Variants in PIK3C2A observed in about 807,000 individuals in gnomAD.
The protein encoded by PIK3C2A is phosphatidylinositol 4-phosphate 3-kinase C2 domain-containing subunit alpha.
A neutral mutation model predicts 204.5 loss-of-function variants in PIK3C2A; 97 were observed. The observed-to-expected ratio is 0.47, with a 90% CI of 0.40 to 0.56. The LOEUF (loss-of-function observed/expected upper bound fraction) is 0.56. Among genes scored for constraint, PIK3C2A ranks in the 20% least tolerant of loss-of-function variants. The pLI, the probability that PIK3C2A is intolerant of heterozygous loss-of-function variation, is 0.00. For missense variants in PIK3C2A, 1,735 were observed against 1,969.2 expected (o/e 0.88, Z 2.25); for synonymous variants, 653 against 664.4 (o/e 0.98, Z 0.26).
At chr11:17,156,024 A>T (rs548620588) in intron 2 of PIK3C2A, among the ~76,000 whole-genome samples, 1 of 152,338 alleles carries the variant, frequency 6.6e-6, no homozygotes, top group Non-Finnish European at 1.5e-5. Flanking sequence ...GAAATTCTAT[A>T]TATTCAACTA....
intron 1 of PIK3C2A, among the ~76,000 whole-genome samples, chr11:17,190,223 A>G (rs1851894916): frequency 6.6e-6 from 1 of 151,940 alleles, no homozygotes; most frequent in Non-Finnish European, 1.5e-5. Flanking sequence ...AGATCATGCC[A>G]CTGTACTCCA....
At chr11:17,111,054 C>G (rs1286141576) in intron 21 of PIK3C2A, among the ~76,000 whole-genome samples, 1 of 151,930 alleles carries the variant, frequency 6.6e-6, no homozygotes, top group East Asian at 1.9e-4. Flanking sequence ...ATTATAGGTG[C>G]CTGCCACCAC....
intron 2 of PIK3C2A, among the ~76,000 whole-genome samples, chr11:17,164,408 G>C (rs1850881960): frequency 6.6e-6 from 1 of 151,624 alleles, no homozygotes; most frequent in African/African-American, 2.4e-5. Context: ...GCCCCTCTTA[G>C]GATATACTCA....
At chr11:17,091,109 T>C (rs890228809) in intron 32 of PIK3C2A, among the ~76,000 whole-genome samples, 2 of 151,816 alleles carry the variant, frequency 1.3e-5, no homozygotes, top group Non-Finnish European at 2.9e-5. Context: ...CAACACACAC[T>C]GGGGCCTGTT....
intron 13 of PIK3C2A, among the ~76,000 whole-genome samples, chr11:17,128,103 T>C (rs889428591): frequency 5.3e-5 from 8 of 152,340 alleles, no homozygotes; most frequent in Admixed American, 4.6e-4. Context: ...AGGATACCTA[T>C]GTAGCACTCA....
chr11:17,140,631 T>A (rs1217661626), intron 8 of PIK3C2A, among the ~76,000 whole-genome samples: 1 of 152,154 alleles, frequency 6.6e-6, no homozygotes, highest in Non-Finnish European at 1.5e-5. Context: ...ACCAGATTAG[T>A]AGTTGTCTGG....
At chr11:17,159,834 G>A (rs553616409) in intron 2 of PIK3C2A, among the ~76,000 whole-genome samples, 152 of 152,304 alleles carry the variant, frequency 1.0e-3, no homozygotes, top group African/African-American at 3.5e-3. Flanking sequence ...GTTGCAGAAC[G>A]CAGGAAGGGC....
chr11:17,193,120 G>A lies in PIK3C2A; in HGVS notation c.-66+14728C>T, dbSNP rs376936900. ...CACTCTGTTAGGACACAGCAAGAAC[G>A]CCCTCACCAGATGCCAAGCGGATGT... On this transcript the variant is annotated intron_variant, in intron 1 of 32. Transcript: ENST00000691414. Among the ~76,000 whole-genome samples, 9 of 152,280 alleles carry A rather than the reference G, an allele frequency of 5.9e-5. No individual in the cohort carries two copies. In the East Asian group the frequency reaches 9.7e-4, roughly 16 times the overall value.
rs34206141 is a variant in PIK3C2A at position 17,087,818 on chromosome 11, C to CTT, written c.*1919_*1920insAA. On this transcript the variant is annotated 3_prime_UTR_variant, in exon 33 of 33. Coordinates refer to ENST00000691414, the MANE Select transcript of PIK3C2A (RefSeq NM_002645.4). ...GTGCTTTGATCTGCATTTTAATTAA[C>CTT]ATTAAATAGACAACACATTTTAACA... is the stretch of plus-strand genomic sequence containing the variant. The CTT allele has an allele frequency of 0.58, 87,815 of 151,828 alleles. 25,703 individuals are homozygous for CTT. Among genetic ancestry groups the CTT allele is most frequent in the East Asian group, 0.82 (4,248 of 5,174 alleles). 9.4% of individuals were successfully genotyped at this position (151,828 alleles called of 1,614,324 possible).
chr11:17,114,771 C>A (rs1849125593), intron 19 of PIK3C2A, among the ~76,000 whole-genome samples: 1 of 152,166 alleles, frequency 6.6e-6, no homozygotes, highest in Admixed American at 6.5e-5. Context: ...TTTAAAACAA[C>A]ATCCTGTGTT....
intron 28 of PIK3C2A, 146 bp downstream of exon 28, chr11:17,094,115 T>A (rs994761059): frequency 1.9e-6 from 1 of 530,970 alleles, no homozygotes; most frequent in Non-Finnish European, 3.3e-6. Flanking sequence ...ATGTCTGCTT[T>A]TGTATTAGGT....
chr11:17,091,275 A>C, intron 32 of PIK3C2A, 59 bp downstream of exon 32: 1 of 1,508,862 alleles, frequency 6.6e-7, no homozygotes, highest in Non-Finnish European at 9.1e-7. Context: ...TCAGAACTTA[A>C]AAATGAAAAT....
At chr11:17,123,885 C>T (rs1169428769) in intron 13 of PIK3C2A, among the ~76,000 whole-genome samples, 4 of 152,080 alleles carry the variant, frequency 2.6e-5, no homozygotes, top group Non-Finnish European at 5.9e-5. Flanking sequence ...TTTCTGAAAA[C>T]AACGTAAGAT....
chr11:17,165,015 T>G (rs1410064314), intron 2 of PIK3C2A, among the ~76,000 whole-genome samples: 1 of 151,762 alleles, frequency 6.6e-6, no homozygotes, highest in Non-Finnish European at 1.5e-5. Flanking sequence ...AAGGAAAGGG[T>G]GGAGAACACA....
At chr11:17,152,434 GT>G (rs1046216060) in intron 3 of PIK3C2A, among the ~76,000 whole-genome samples, 1 of 151,900 alleles carries the variant, frequency 6.6e-6, no homozygotes, top group African/African-American at 2.4e-5. Context: ...TTTTTGTGGG[GT>G]TTTTTTGTAG....
chr11:17,155,107 A>G (rs1259546212), intron 3 of PIK3C2A, among the ~76,000 whole-genome samples: 2 of 152,216 alleles, frequency 1.3e-5, no homozygotes, highest in Non-Finnish European at 2.9e-5. Context: ...GTGTTTTTCT[A>G]AACTTCAGAA....
At chr11:17,133,965 T>C (rs1322556816) in intron 11 of PIK3C2A, among the ~76,000 whole-genome samples, 2 of 152,114 alleles carry the variant, frequency 1.3e-5, no homozygotes, top group Non-Finnish European at 2.9e-5. Flanking sequence ...ACACCAGTCT[T>C]AAATTGCCTA....
At chr11:17,125,299 G>T (rs1590935653) in intron 13 of PIK3C2A, among the ~76,000 whole-genome samples, 1 of 152,198 alleles carries the variant, frequency 6.6e-6, no homozygotes, top group South Asian at 2.1e-4. Context: ...GTTGTAAACT[G>T]AGGGGGACAA....
At chr11:17,126,715 C>T (rs908250948) in intron 13 of PIK3C2A, among the ~76,000 whole-genome samples, 10 of 152,194 alleles carry the variant, frequency 6.6e-5, no homozygotes, top group African/African-American at 2.4e-4. Flanking sequence ...AGATCGCCTG[C>T]ACTACTTGGC....
Sources: allele counts gnomAD v4.1 joint callset (sites outside exome capture counted in the v4.1 genomes callset), GRCh38; gene constraint gnomAD v4.1.1; transcripts MANE v1.5; gene names NCBI Gene and HGNC (gene_info 2026-07-23, HGNC 2026-07-21).